RBM20: variants seen among roughly 807,000 people sequenced by gnomAD.
RBM20 encodes RNA binding motif protein 20.
RBM20 carries 51 observed loss-of-function variants against 110.1 expected under a neutral mutation model. The ratio of observed to expected loss-of-function variants is 0.46; its 90% CI spans 0.37 to 0.59. The LOEUF is 0.59. Among genes scored for constraint, RBM20 ranks in the 20% least tolerant of loss-of-function variants. RBM20 has a pLI of 0.00. For missense variants in RBM20, 1,512 were observed against 1,574.9 expected (o/e 0.96, Z 0.68); for synonymous variants, 589 against 618.2 (o/e 0.95, Z 0.70).
intron 1 of RBM20, among the ~76,000 whole-genome samples, chr10:110,658,259 C>G (rs754554813): frequency 6.6e-6 from 1 of 152,156 alleles, no homozygotes; most frequent in African/African-American, 2.4e-5. Context: ...TTCGGTGGAG[C>G]AGGGGAAACT....
At chr10:110,751,591 G>T (rs10885040) in intron 1 of RBM20, among the ~76,000 whole-genome samples, 1 of 152,050 alleles carries the variant, frequency 6.6e-6, no homozygotes, top group Non-Finnish European at 1.5e-5. Context: ...CACCTAAACC[G>T]TCATGGCAAG....
chr10:110,799,463 G>A (rs1431290648), intron 6 of RBM20, among the ~76,000 whole-genome samples: 1 of 152,128 alleles, frequency 6.6e-6, no homozygotes, highest in Non-Finnish European at 1.5e-5. Context: ...TTCCTTTTAA[G>A]TGAGGTATAA....
intron 7 of RBM20, among the ~76,000 whole-genome samples, chr10:110,803,091 A>G (rs1181249022): frequency 6.6e-6 from 1 of 152,232 alleles, no homozygotes; most frequent in East Asian, 1.9e-4. Flanking sequence ...AATAATGTAT[A>G]CCTTTAATTG....
intron 13 of RBM20, among the ~76,000 whole-genome samples, chr10:110,832,471 A>G (rs1481251074): frequency 6.6e-6 from 1 of 152,218 alleles, no homozygotes; most frequent in Admixed American, 6.5e-5. Flanking sequence ...TGGAGGTGGA[A>G]GGCAGATTGC....
At chr10:110,726,988 A>G (rs1843566988) in intron 1 of RBM20, among the ~76,000 whole-genome samples, 1 of 152,002 alleles carries the variant, frequency 6.6e-6, no homozygotes, top group Non-Finnish European at 1.5e-5. Flanking sequence ...CTGGTATCAC[A>G]GGTGCCCACC....
At chr10:110,669,114 G>T (rs146448740) in intron 1 of RBM20, among the ~76,000 whole-genome samples, 4 of 152,060 alleles carry the variant, frequency 2.6e-5, no homozygotes, top group Non-Finnish European at 4.4e-5. Context: ...ATCTTCCTTC[G>T]TTTTTTCTGG....
chr10:110,797,068 T>A (rs1241299518), intron 5 of RBM20, among the ~76,000 whole-genome samples: 1 of 152,208 alleles, frequency 6.6e-6, no homozygotes, highest in Non-Finnish European at 1.5e-5. Flanking sequence ...ATACTCAACC[T>A]CCCACTAGCA....
intron 12 of RBM20, among the ~76,000 whole-genome samples, chr10:110,830,533 A>G (rs1349941211): frequency 6.6e-6 from 1 of 152,216 alleles, no homozygotes; most frequent in Non-Finnish European, 1.5e-5. Flanking sequence ...TAGGTTAATT[A>G]TGTGGAAGAA....
intron 10 of RBM20, among the ~76,000 whole-genome samples, 161 bp from the exon 11 acceptor site, chr10:110,821,114 G>C (rs1844902693): frequency 6.6e-6 from 1 of 152,212 alleles, no homozygotes; most frequent in Non-Finnish European, 1.5e-5. Context: ...CTAAAGATGA[G>C]TTGGTGCCGT....
chr10:110,686,548 C>G (rs1335971254), intron 1 of RBM20, among the ~76,000 whole-genome samples: 1 of 151,788 alleles, frequency 6.6e-6, no homozygotes, highest in African/African-American at 2.4e-5. Context: ...TTGCTTGAGC[C>G]CAGGAGTTCA....
chr10:110,810,817 G>C (rs10885050), intron 8 of RBM20, among the ~76,000 whole-genome samples: 2 of 151,180 alleles, frequency 1.3e-5, no homozygotes, highest in Admixed American at 6.6e-5. Context: ...GTGTGTGTGC[G>C]TGTGTGCGTG....
In RBM20 at chr10:110,644,576, T is replaced by A. The variant is rs1861839889; in HGVS notation, c.122T>A (p.Met41Lys). The change falls in exon 1 of 14, where the codon ATG becomes AAG. Residue 41 changes from methionine (M) to lysine (K), a missense_variant. By Grantham distance (95) the Met-to-Lys change is moderately conservative. Transcript: ENST00000369519. This position sits in a 1 kb window ranked among gnomAD's most constrained non-coding sequence, Gnocchi z 4.3. ...CCGGCACCCTCCGGCCCGCGAGGGA[T>A]GCAGCAGCCGCCGCCGCCGCCCCAG... ...ASPAPSGPRG[M>K]QQPPPPPQPP... 2 of 1,526,004 alleles carry A rather than the reference T, an allele frequency of 1.3e-6. No homozygotes were observed. Among genetic ancestry groups the A allele is most frequent in the Non-Finnish European group, 1.8e-6 (2 of 1,140,388 alleles). 94.5% of individuals were successfully genotyped at this position (1,526,004 alleles called of 1,614,324 possible).
chr10:110,660,616 G>A (rs567393928), intron 1 of RBM20, among the ~76,000 whole-genome samples: 49 of 152,054 alleles, frequency 3.2e-4, no homozygotes, highest in Non-Finnish European at 5.6e-4. Flanking sequence ...ATCCTATTGT[G>A]AACTGCACAT....
chr10:110,729,049 C>T (rs188366238), intron 1 of RBM20, among the ~76,000 whole-genome samples: 268 of 152,228 alleles, frequency 1.8e-3, no homozygotes, highest in African/African-American at 6.0e-3. Context: ...TAATACTGTT[C>T]GCCGAGACAG....
intron 1 of RBM20, among the ~76,000 whole-genome samples, chr10:110,775,171 A>G (rs998630074): frequency 3.7e-4 from 57 of 152,278 alleles, no homozygotes; most frequent in African/African-American, 1.3e-3. Flanking sequence ...TTATTTGGCC[A>G]CACCTTTATA....
At chr10:110,778,028 T>C (rs988022464) in intron 1 of RBM20, among the ~76,000 whole-genome samples, 1 of 152,218 alleles carries the variant, frequency 6.6e-6, no homozygotes, top group Admixed American at 6.5e-5. Context: ...CCATCCATTC[T>C]CCTCTTCCTT....
At chr10:110,669,969 C>T (rs1818452328) in intron 1 of RBM20, among the ~76,000 whole-genome samples, 1 of 152,218 alleles carries the variant, frequency 6.6e-6, no homozygotes, top group South Asian at 2.1e-4. Context: ...CATTCGATTT[C>T]ACCCTATTTA....
intron 1 of RBM20, among the ~76,000 whole-genome samples, chr10:110,690,067 C>T (rs1227455037): frequency 2.0e-5 from 3 of 152,064 alleles, no homozygotes; most frequent in African/African-American, 7.2e-5. Context: ...CAACTATGGC[C>T]TTTTTTTATT....
Position 110,821,436 on chromosome 10 carries a change from C to A in RBM20, c.2817C>A (p.Asp939Glu), listed in dbSNP as rs1225833082. 1 of 1,551,648 alleles carries A rather than the reference C, an allele frequency of 6.4e-7. No homozygotes were observed. Among genetic ancestry groups the A allele is most frequent in the African/African-American group, 1.4e-5 (1 of 73,046 alleles). ...LEEIVPIDQK[D>E]KICPETCLCV... Reference sequence around the variant, plus strand: ...AAATTGTGCCCATTGACCAGAAAGACAAAATTTGCCCAGAAACATGTCTGT... The same window carrying A: ...AAATTGTGCCCATTGACCAGAAAGAAAAAATTTGCCCAGAAACATGTCTGT... Residue 939 changes from aspartate to glutamate, a missense_variant, in exon 11 of 14, where the codon GAC becomes GAA. By Grantham distance (45) the Asp-to-Glu change is conservative. Transcript: ENST00000369519.
Sources: allele counts gnomAD v4.1 joint callset (sites outside exome capture counted in the v4.1 genomes callset), GRCh38; gene constraint gnomAD v4.1.1; non-coding constraint Gnocchi (gnomAD v3.1); transcripts MANE v1.5; gene names NCBI Gene and HGNC (gene_info 2026-07-23, HGNC 2026-07-21).